The following CTNNA2 variants were observed in gnomAD, a reference collection of about 807,000 sequenced individuals.
CTNNA2 encodes the protein catenin alpha 2.
CTNNA2 carries 42 observed loss-of-function variants against 101.0 expected under a neutral mutation model. That is an observed-to-expected ratio of 0.42 (90% CI 0.32 to 0.54). The LOEUF is 0.54. Among genes scored for constraint, CTNNA2 ranks in the 20% least tolerant of loss-of-function variants. CTNNA2 has a pLI of 0.14. For synonymous variants in CTNNA2, 450 were observed against 456.4 expected, an observed-to-expected ratio of 0.99 and a Z score of 0.18; for missense variants, 871 against 1,223.1, an observed-to-expected ratio of 0.71 and a Z score of 4.29.
intron 7 of CTNNA2, among the ~76,000 whole-genome samples, chr2:80,086,938 A>G (rs981494906): frequency 6.6e-6 from 1 of 152,046 alleles, no homozygotes; most frequent in South Asian, 2.1e-4. Context: ...TTCAAAATAA[A>G]TGCAGTGACT....
chr2:80,058,851 T>C (rs1389444513), intron 7 of CTNNA2, among the ~76,000 whole-genome samples: 1 of 152,058 alleles, frequency 6.6e-6, no homozygotes. Flanking sequence ...TCAGGCATTT[T>C]CTCCTGCATT....
chr2:80,244,436 T>C (rs974694654), intron 7 of CTNNA2, among the ~76,000 whole-genome samples: 2 of 152,214 alleles, frequency 1.3e-5, no homozygotes, highest in Admixed American at 1.3e-4. Context: ...GCTCACTACC[T>C]CCTGGGGAAG....
At position 80,518,681 on chromosome 2, in the gene CTNNA2, G is replaced by A. The variant is rs137934770; in HGVS notation, c.1291-26301G>A. Among the ~76,000 whole-genome samples the A allele has an allele frequency of 3.5e-3, 529 of 152,038 alleles. 2 individuals carry two copies. Among genetic ancestry groups the A allele is most frequent in the African/African-American group, 0.013 (521 of 41,470 alleles). On this transcript the variant is annotated intron_variant, in intron 9 of 18. Coordinates refer to ENST00000402739, the MANE Select transcript of CTNNA2 (RefSeq NM_001282597.3). Reference sequence around the variant, plus strand: ...TATATACCATAAAAACACACTTAATGTGTTTTTTGCTACTAGATTCTCAAA... The same window carrying A: ...TATATACCATAAAAACACACTTAATATGTTTTTTGCTACTAGATTCTCAAA...
At chr2:79,897,841 A>G (rs1574260050) in intron 6 of CTNNA2, among the ~76,000 whole-genome samples, 1 of 152,208 alleles carries the variant, frequency 6.6e-6, no homozygotes, top group Non-Finnish European at 1.5e-5. Flanking sequence ...TCTGCTCCCA[A>G]GATGGTGCCC....
chr2:80,086,271 A>G (rs1558794050), intron 7 of CTNNA2, among the ~76,000 whole-genome samples: 2 of 152,130 alleles, frequency 1.3e-5, no homozygotes, highest in Non-Finnish European at 1.5e-5. Flanking sequence ...ACTCATGTTT[A>G]AGGGCAGTTA....
At chr2:80,016,078 T>G (rs1694117771) in intron 7 of CTNNA2, among the ~76,000 whole-genome samples, 1 of 152,200 alleles carries the variant, frequency 6.6e-6, no homozygotes, top group African/African-American at 2.4e-5. Context: ...CTTTTAAATA[T>G]GTATATAAAT....
chr2:79,428,157 C>T (rs980283071), intron 4 of CTNNA2, among the ~76,000 whole-genome samples: 2 of 151,336 alleles, frequency 1.3e-5, no homozygotes, highest in Admixed American at 1.3e-4. Flanking sequence ...TTAAGTCAGT[C>T]TCTTCATTTT....
intron 7 of CTNNA2, among the ~76,000 whole-genome samples, chr2:79,967,240 C>A (rs947207018): frequency 6.6e-6 from 1 of 152,084 alleles, no homozygotes; most frequent in Non-Finnish European, 1.5e-5. Flanking sequence ...AAGACTGCTT[C>A]CTCTCCAACT....
chr2:80,494,105 T>C (rs1381436267), intron 9 of CTNNA2, among the ~76,000 whole-genome samples: 1 of 151,946 alleles, frequency 6.6e-6, no homozygotes, highest in East Asian at 1.9e-4. Flanking sequence ...AACAGGAGGG[T>C]TGTATTAAAT....
intron 3 of CTNNA2, among the ~76,000 whole-genome samples, chr2:79,851,490 C>G (rs965301696): frequency 6.6e-6 from 1 of 152,132 alleles, no homozygotes; most frequent in African/African-American, 2.4e-5. Flanking sequence ...CTTTGGGAAC[C>G]TGTGGTCAGT....
chr2:80,311,985 C>T (rs1280907684), intron 7 of CTNNA2, among the ~76,000 whole-genome samples: 1 of 152,164 alleles, frequency 6.6e-6, no homozygotes, highest in Non-Finnish European at 1.5e-5. Flanking sequence ...ATAATTTTAT[C>T]AATTATGGGG....
intron 1 of CTNNA2, among the ~76,000 whole-genome samples, chr2:79,528,587 C>T (rs1291505184): frequency 1.3e-5 from 2 of 151,962 alleles, no homozygotes; most frequent in Non-Finnish European, 2.9e-5. Context: ...GTAAGGCAAA[C>T]AAATCAAATA....
intron 4 of CTNNA2, among the ~76,000 whole-genome samples, chr2:79,391,851 G>A (rs951735790): frequency 1.3e-5 from 2 of 152,148 alleles, no homozygotes; most frequent in Non-Finnish European, 1.5e-5. Flanking sequence ...TGTAAAGGCT[G>A]GAAGTCCTAG....
intron 7 of CTNNA2, chr2:80,163,245 G>T: frequency 2.6e-6 from 2 of 773,104 alleles, no homozygotes; most frequent in South Asian, 1.8e-5. Flanking sequence ...TATATTGATT[G>T]ATTTTCCAAT....
At chr2:79,919,229 C>T (rs2104371693) in intron 7 of CTNNA2, among the ~76,000 whole-genome samples, 1 of 152,254 alleles carries the variant, frequency 6.6e-6, no homozygotes, top group East Asian at 1.9e-4. Flanking sequence ...CTCTTAGCAA[C>T]CCTGTGGTTG....
At chr2:80,284,407 A>T (rs1674596267) in intron 7 of CTNNA2, among the ~76,000 whole-genome samples, 1 of 152,032 alleles carries the variant, frequency 6.6e-6, no homozygotes, top group East Asian at 1.9e-4. Context: ...AGTTCTTCCA[A>T]CCTTTCCTTC....
At chr2:80,571,077 G>A (rs1006448868) in intron 12 of CTNNA2, among the ~76,000 whole-genome samples, 3 of 152,144 alleles carry the variant, frequency 2.0e-5, no homozygotes, top group Admixed American at 6.6e-5. Context: ...CACCTTCTAC[G>A]TTGTCCTCCT....
intron 1 of CTNNA2, among the ~76,000 whole-genome samples, chr2:79,587,376 T>C (rs1277070571): frequency 6.6e-6 from 1 of 152,084 alleles, no homozygotes; most frequent in East Asian, 1.9e-4. Flanking sequence ...TTACGTAACA[T>C]GCCCAAGGCA....
intron 3 of CTNNA2, among the ~76,000 whole-genome samples, chr2:79,854,474 C>T (rs1292949153): frequency 6.6e-6 from 1 of 152,214 alleles, no homozygotes. Flanking sequence ...TGAATAAGCA[C>T]TAGCTCACAT....
Sources: gnomAD v4.1 joint callset for allele counts (sites outside exome capture counted in the v4.1 genomes callset) on GRCh38, gnomAD v4.1.1 for gene constraint, MANE v1.5 for transcripts, NCBI Gene and HGNC (gene_info 2026-07-23, HGNC 2026-07-21) for gene names.